TBC1D5: variants seen among roughly 807,000 people sequenced by gnomAD.
TBC1D5 encodes the protein TBC1 domain family, member 5.
In TBC1D5, 75 loss-of-function variants were observed where a neutral mutation model predicts 100.3. The ratio of observed to expected loss-of-function variants is 0.75; its 90% CI spans 0.62 to 0.91. The LOEUF (loss-of-function observed/expected upper bound fraction) is 0.91. Among genes scored for constraint, TBC1D5 ranks in the 40% least tolerant of loss-of-function variants. The probability of loss-of-function intolerance (pLI) is 0.00; values close to 1 mark genes in which losing one functional copy is unlikely to be tolerated. For missense variants in TBC1D5, 910 were observed against 942.4 expected, an observed-to-expected ratio of 0.97 and a Z score of 0.45; for synonymous variants, 323 against 325.6, an observed-to-expected ratio of 0.99 and a Z score of 0.09.
intron 1 of TBC1D5, among the ~76,000 whole-genome samples, chr3:17,673,883 G>A (rs947853405): frequency 6.6e-6 from 1 of 152,024 alleles, no homozygotes; most frequent in East Asian, 1.9e-4. Flanking sequence ...AAAATGAACT[G>A]AAGGACTCCA....
chr3:17,481,723 C>T (rs1181760385), intron 3 of TBC1D5, among the ~76,000 whole-genome samples: 2 of 152,178 alleles, frequency 1.3e-5, no homozygotes, highest in Non-Finnish European at 2.9e-5. Flanking sequence ...TTCAATGTTG[C>T]GTTTCTGGCA....
At chr3:17,456,037 T>C (rs981012715) in intron 3 of TBC1D5, among the ~76,000 whole-genome samples, 6 of 152,014 alleles carry the variant, frequency 3.9e-5, no homozygotes, top group African/African-American at 1.2e-4. Flanking sequence ...GCCACTAACA[T>C]ACATCAGGGA....
At chr3:17,588,966 T>A (rs1360192296) in intron 2 of TBC1D5, among the ~76,000 whole-genome samples, 1 of 152,220 alleles carries the variant, frequency 6.6e-6, no homozygotes, top group Non-Finnish European at 1.5e-5. Flanking sequence ...TTTTAAAGGT[T>A]TTATGCCTTA....
chr3:17,179,706 G>A (rs1210097873), intron 19 of TBC1D5, among the ~76,000 whole-genome samples: 1 of 152,104 alleles, frequency 6.6e-6, no homozygotes, highest in African/African-American at 2.4e-5. Context: ...AATATTCTAC[G>A]ATCCTATGAG....
chr3:17,652,416 G>A (rs1350496992), intron 1 of TBC1D5, among the ~76,000 whole-genome samples: 2 of 152,094 alleles, frequency 1.3e-5, no homozygotes, highest in African/African-American at 4.8e-5. Flanking sequence ...AGTATAAAAT[G>A]CTTCCTTAAA....
chr3:17,724,940 T>C lies in TBC1D5; in HGVS notation c.-101+14403A>G, dbSNP rs149088387. Reference sequence around the variant, plus strand: ...CTGCTGTTAACTACACCCAACTTTTTCATTATAATTATTACTGCATTTTTC... The same window carrying C: ...CTGCTGTTAACTACACCCAACTTTTCCATTATAATTATTACTGCATTTTTC... On this transcript the variant is annotated intron_variant, in intron 1 of 21. Coordinates refer to ENST00000253692, the Ensembl canonical transcript of TBC1D5. Among the ~76,000 whole-genome samples the C allele has an allele frequency of 9.8e-5, 15 of 152,320 alleles. No individual in the cohort carries two copies. In the East Asian group the frequency reaches 2.9e-3, roughly 29 times the overall value.
intron 3 of TBC1D5, among the ~76,000 whole-genome samples, chr3:17,483,339 C>T (rs1471083636): frequency 6.6e-6 from 1 of 152,084 alleles, no homozygotes; most frequent in Non-Finnish European, 1.5e-5. Flanking sequence ...TCCTAGTAGA[C>T]TAAATTTCTA....
intron 1 of TBC1D5, among the ~76,000 whole-genome samples, chr3:17,648,756 T>C (rs2065250807): frequency 6.6e-6 from 1 of 152,030 alleles, no homozygotes; most frequent in Admixed American, 6.6e-5. Context: ...ATTAGAGAAA[T>C]GCAGATCAAA....
chr3:17,536,356 A>G (rs768720377), intron 2 of TBC1D5, among the ~76,000 whole-genome samples: 7 of 152,244 alleles, frequency 4.6e-5, no homozygotes, highest in Non-Finnish European at 1.0e-4. Flanking sequence ...CATCAAAATT[A>G]GAAGTACATT....
intron 2 of TBC1D5, among the ~76,000 whole-genome samples, chr3:17,597,848 A>AT (rs1273320827): frequency 6.6e-6 from 1 of 152,164 alleles, no homozygotes; most frequent in Non-Finnish European, 1.5e-5. Flanking sequence ...TAAAACGAGA[A>AT]TTTTTTTGAA....
At chr3:17,367,784 G>A (rs993633659) in intron 13 of TBC1D5, among the ~76,000 whole-genome samples, 13 of 151,742 alleles carry the variant, frequency 8.6e-5, no homozygotes, top group African/African-American at 2.9e-4. Flanking sequence ...GCTTGAACCC[G>A]GGAGGCAGAA....
intron 2 of TBC1D5, among the ~76,000 whole-genome samples, chr3:17,514,631 A>C (rs2095959369): frequency 6.6e-6 from 1 of 152,228 alleles, no homozygotes; most frequent in South Asian, 2.1e-4. Flanking sequence ...AGAGGTTCAC[A>C]GGTGGACTTA....
intron 1 of TBC1D5, among the ~76,000 whole-genome samples, chr3:17,674,998 G>A (rs1176053103): frequency 6.6e-6 from 1 of 151,992 alleles, no homozygotes; most frequent in Non-Finnish European, 1.5e-5. Flanking sequence ...CTAGTATACA[G>A]CAGAAACTTA....
At chr3:17,258,413 T>A in intron 16 of TBC1D5, 93 bp downstream of exon 16, 1 of 1,238,100 alleles carries the variant, frequency 8.1e-7, no homozygotes, top group Non-Finnish European at 1.2e-6. Context: ...TGCTAAAATC[T>A]GGAAAATTGT....
chr3:17,274,737 T>C (rs1047074536), intron 15 of TBC1D5, among the ~76,000 whole-genome samples: 1 of 152,206 alleles, frequency 6.6e-6, no homozygotes, highest in African/African-American at 2.4e-5. Flanking sequence ...ACTCTCTATT[T>C]TTATTGCTGT....
chr3:17,381,828 A>T (rs1415989949), intron 9 of TBC1D5, among the ~76,000 whole-genome samples: 1 of 152,024 alleles, frequency 6.6e-6, no homozygotes, highest in African/African-American at 2.4e-5. Flanking sequence ...TTTTATATTT[A>T]TATTTTTACA....
chr3:17,710,184 C>T (rs2074574331), intron 1 of TBC1D5, among the ~76,000 whole-genome samples: 1 of 151,964 alleles, frequency 6.6e-6, no homozygotes, highest in Non-Finnish European at 1.5e-5. Flanking sequence ...CAAAGTCAGT[C>T]GAGAAACAGT....
rs374467832 is a variant in TBC1D5 at position 17,275,916 on chromosome 3, T to C, written c.1245+15979A>G. Reference sequence around the variant, plus strand: ...CTTCTACCTGATACCAGGTACTCCATGGAGATCTATGATTCTGATTGGGTT... The same window carrying C: ...CTTCTACCTGATACCAGGTACTCCACGGAGATCTATGATTCTGATTGGGTT... On this transcript the variant is annotated intron_variant, in intron 15 of 21. Transcript: ENST00000253692. 1.6e-4 allele frequency among the ~76,000 whole-genome samples: 25 copies of C among 152,314 alleles called. No individual in the cohort carries two copies. In the East Asian group the frequency reaches 2.7e-3, roughly 16 times the overall value.
chr3:17,457,597 C>T (rs1342606511), intron 3 of TBC1D5, among the ~76,000 whole-genome samples: 1 of 152,186 alleles, frequency 6.6e-6, no homozygotes, highest in Non-Finnish European at 1.5e-5. Context: ...AAGCCTTCAA[C>T]ATATTCATCA....
Sources: allele counts gnomAD v4.1 joint callset (sites outside exome capture counted in the v4.1 genomes callset), GRCh38; gene constraint gnomAD v4.1.1; transcripts MANE v1.5; gene names NCBI Gene and HGNC (gene_info 2026-07-23, HGNC 2026-07-21).